The following OPRPN variants were observed in gnomAD, a reference collection of about 807,000 sequenced individuals.
OPRPN encodes the protein opiorphin prepropeptide.
A neutral mutation model predicts 2.2 loss-of-function variants in OPRPN; 1 was observed. The observed-to-expected ratio is 0.45, with a 90% CI of 0.16 to 2.15. The LOEUF is 2.15. OPRPN is among the 30% of genes most tolerant of loss of function. OPRPN has a pLI of 0.28. For synonymous variants in OPRPN, 126 were observed against 111.5 expected (o/e 1.13, Z -0.82); for missense variants, 306 against 297.3 (o/e 1.03, Z -0.21).
chr4:70,410,065 T>G lies in OPRPN; in HGVS notation c.737T>G (p.Ile246Ser). 6.5e-7 allele frequency: 1 copy of G among 1,547,484 alleles called. No homozygotes were observed. Among genetic ancestry groups the G allele is most frequent in the South Asian group, 1.3e-5 (1 of 79,546 alleles). Residue 246 changes from isoleucine to serine, a missense_variant, in exon 3 of 3, where the codon ATT (isoleucine) becomes AGT (serine). Coordinates refer to ENST00000399575, the MANE Select transcript of OPRPN (RefSeq NM_021225.5). ...FKSFWQKLFA[I>S]FG is the part of the protein sequence containing the mutation. ...AGTTTTTGGCAAAAACTCTTTGCCA[T>G]TTTTGGTTGAACATGCAATAAATGA...
intron 1 of OPRPN, among the ~76,000 whole-genome samples, chr4:70,398,293 C>T (rs1732903662): frequency 6.6e-6 from 1 of 151,880 alleles, no homozygotes; most frequent in African/African-American, 2.4e-5. Context: ...ACTTTTTCCA[C>T]TGCTGTATTT....
chr4:70,408,590 T>C (rs1171164728), intron 2 of OPRPN, among the ~76,000 whole-genome samples: 2 of 152,344 alleles, frequency 1.3e-5, no homozygotes, highest in African/African-American at 4.8e-5. Context: ...TTACTCTACC[T>C]TACTATGTCT....
chr4:70,402,164 A>T (rs1456083447), intron 2 of OPRPN, among the ~76,000 whole-genome samples: 1 of 152,122 alleles, frequency 6.6e-6, no homozygotes, highest in Non-Finnish European at 1.5e-5. Context: ...TAGAAACTCT[A>T]TCAGGAACAC....
chr4:70,402,971 G>A lies in OPRPN; in HGVS notation c.51+3635G>A, dbSNP rs571814958. Among the ~76,000 whole-genome samples the A allele has an allele frequency of 2.0e-5, 3 of 152,144 alleles. No homozygotes were observed. In the South Asian group the frequency reaches 6.2e-4, roughly 32 times the overall value. ...GCAGAGCCTTAGTTTTACTCTGAGT[G>A]ACATGCAAAACTTTAGTACATGAAG... On this transcript the variant is annotated intron_variant, in intron 2 of 2. Transcript: ENST00000399575.
chr4:70,399,033 G>T (rs1414381690), intron 1 of OPRPN, among the ~76,000 whole-genome samples: 1 of 151,404 alleles, frequency 6.6e-6, no homozygotes, highest in East Asian at 1.9e-4. Context: ...ACAATTATCT[G>T]AAAATTATCT....
intron 2 of OPRPN, among the ~76,000 whole-genome samples, chr4:70,400,574 G>A (rs558398248): frequency 1.3e-5 from 2 of 151,830 alleles, no homozygotes; most frequent in Admixed American, 1.3e-4. Flanking sequence ...TGATCTTGGG[G>A]CCTGGAAACC....
intron 2 of OPRPN, 73 bp from the exon 3 acceptor site, chr4:70,409,307 A>G (rs1733158748): frequency 8.5e-7 from 1 of 1,172,714 alleles, no homozygotes; most frequent in Non-Finnish European, 1.2e-6. Flanking sequence ...AATACATAGT[A>G]TATCCTAATG....
At chr4:70,399,002 TA>T (rs74494079) in intron 1 of OPRPN, among the ~76,000 whole-genome samples, 16,135 of 151,812 alleles carry the variant, frequency 0.11, 996 homozygotes, top group East Asian at 0.2. Flanking sequence ...AAAAATACTT[TA>T]ATTTTAAAAT....
intron 1 of OPRPN, 137 bp from the exon 2 acceptor site, chr4:70,399,133 CA>C (rs1732919445): frequency 1.9e-6 from 1 of 519,150 alleles, no homozygotes; most frequent in Non-Finnish European, 3.4e-6. Context: ...CCCAAAATAT[CA>C]AACACATCTT....
intron 2 of OPRPN, among the ~76,000 whole-genome samples, chr4:70,405,544 A>G (rs1165125656): frequency 6.6e-6 from 1 of 152,004 alleles, no homozygotes; most frequent in Non-Finnish European, 1.5e-5. Context: ...TTTCTTCTTC[A>G]TTACTTTCTT....
At position 70,397,999 on chromosome 4, in the gene OPRPN, G is replaced by A. The variant is rs188949867; in HGVS notation, c.-57G>A. On this transcript the variant is annotated 5_prime_UTR_variant, in exon 1 of 3. Coordinates refer to ENST00000399575, the MANE Select transcript of OPRPN (RefSeq NM_021225.5). ...TAAATTGAGTATCTGGCAAGAGTAA[G>A]ATTAAGCAGTAATTTGTTCCAAAGA... is the stretch of plus-strand genomic sequence containing the variant. 1 of 152,032 alleles carries A rather than the reference G, an allele frequency of 6.6e-6. No individual in the cohort carries two copies. The highest frequency in any genetic ancestry group is 1.9e-4 in the East Asian group (1 of 5,182). 9.4% of individuals were successfully genotyped at this position (152,032 alleles called of 1,614,324 possible). A position where few individuals can be genotyped will look rare whatever the true frequency, so the allele number is the denominator to read the frequency against.
At position 70,409,814 on chromosome 4, in the gene OPRPN, A is replaced by G; in HGVS notation, c.486A>G (p.Thr162=). The change falls in exon 3 of 3, where the codon ACA becomes ACG. Residue 162 remains threonine (T), a synonymous_variant. Transcript: ENST00000399575. ...CCACAAATCCCCCCACCACTGCAAC[A>G]GCAACCACCAGCACTTCCACAAAAC... ...TITTNPPTTA[T]ATTSTSTKPT... 7 of 1,612,484 alleles carry G rather than the reference A, an allele frequency of 4.3e-6. No individual in the cohort carries two copies. The highest frequency in any genetic ancestry group is 5.9e-6 in the Non-Finnish European group (7 of 1,179,152).
At chr4:70,402,140 A>G (rs1462373138) in intron 2 of OPRPN, among the ~76,000 whole-genome samples, 2 of 152,246 alleles carry the variant, frequency 1.3e-5, no homozygotes, top group East Asian at 1.9e-4. Context: ...TGGTTCTCCA[A>G]ACTCTACAAA....
At chr4:70,402,274 T>C (rs1732997889) in intron 2 of OPRPN, among the ~76,000 whole-genome samples, 1 of 152,104 alleles carries the variant, frequency 6.6e-6, no homozygotes, top group Admixed American at 6.6e-5. Flanking sequence ...GTGATACTGG[T>C]GCTGATCTGT....
chr4:70,400,512 T>C (rs1435514077), intron 2 of OPRPN, among the ~76,000 whole-genome samples: 1 of 151,878 alleles, frequency 6.6e-6, no homozygotes. Flanking sequence ...ATCCACTTAA[T>C]AAGAATGAAC....
At chr4:70,407,832 C>T (rs770828344) in intron 2 of OPRPN, among the ~76,000 whole-genome samples, 63 of 152,122 alleles carry the variant, frequency 4.1e-4, no homozygotes, top group Non-Finnish European at 6.9e-4. Flanking sequence ...TGGTCTTAAA[C>T]AGGAAGAGAG....
chr4:70,398,285 T>C (rs1732903515), intron 1 of OPRPN, among the ~76,000 whole-genome samples: 1 of 151,922 alleles, frequency 6.6e-6, no homozygotes. Flanking sequence ...ATCTATTGAC[T>C]TTTTCCACTG....
At chr4:70,398,854 G>A (rs1323591122) in intron 1 of OPRPN, among the ~76,000 whole-genome samples, 9 of 151,716 alleles carry the variant, frequency 5.9e-5, no homozygotes, top group East Asian at 3.9e-4. Flanking sequence ...TACAATAGTC[G>A]TGTCACGTTG....
At chr4:70,399,385 T>C in intron 2 of OPRPN, 49 bp downstream of exon 2, 5 of 1,481,016 alleles carry the variant, frequency 3.4e-6, no homozygotes, top group Non-Finnish European at 4.7e-6. Context: ...TTGTTAATCA[T>C]GATTTCAAAG....
Sources: allele counts gnomAD v4.1 joint callset (sites outside exome capture counted in the v4.1 genomes callset), GRCh38; gene constraint gnomAD v4.1.1; transcripts MANE v1.5; gene names NCBI Gene and HGNC (gene_info 2026-07-23, HGNC 2026-07-21).